HUWE1: variants seen among roughly 807,000 people sequenced by gnomAD.
HUWE1 encodes the protein E3 ubiquitin-protein ligase HUWE1.
A neutral mutation model predicts 299.4 loss-of-function variants in HUWE1; 18 were observed. That is an observed-to-expected ratio of 0.06 (90% CI 0.04 to 0.09). The LOEUF (loss-of-function observed/expected upper bound fraction) is 0.09, where lower values mean the gene tolerates loss of function less well. Ranked by LOEUF, HUWE1 falls within the 10% of genes least tolerant of loss-of-function variation. HUWE1 has a pLI of 1.00. For missense variants in HUWE1, 1,832 were observed against 3,462.3 expected, an observed-to-expected ratio of 0.53 and a Z score of 11.82; for synonymous variants, 1,317 against 1,286.1, an observed-to-expected ratio of 1.02 and a Z score of -0.51.
intron 46 of HUWE1, among the ~76,000 whole-genome samples, chrX:53,574,786 T>C (rs1451017037): frequency 8.9e-6 from 1 of 112,245 alleles, no homozygotes; most frequent in East Asian, 2.8e-4. Flanking sequence ...CAATGGGCTC[T>C]GTTAACATTG....
At chrX:53,624,924 A>C (rs945444368) in intron 18 of HUWE1, among the ~76,000 whole-genome samples, 6 of 112,200 alleles carry the variant, frequency 5.3e-5, no homozygotes, top group Middle Eastern at 4.2e-3. Flanking sequence ...AGACGGAATT[A>C]AGCACAGAGT....
chrX:53,559,465 C>T lies in HUWE1; in HGVS notation c.7804G>A (p.Gly2602Ser). Reference protein sequence around the residue: ...LSSSLPLQSRGRARLLVGNDD... With the variant: ...LSSSLPLQSRSRARLLVGNDD... ...TTGCCTACCAGGAGGCGGGCCCGACCCCGGCTTTGTAGGGGAAGGCTGCTG... is the reference window on the plus strand; with the variant it reads ...TTGCCTACCAGGAGGCGGGCCCGACTCCGGCTTTGTAGGGGAAGGCTGCTG... The change falls in exon 57 of 84, where the codon GGT (glycine) becomes AGT (serine). Residue 2602 changes from glycine (G) to serine (S), a missense_variant. This residue lies in a region of HUWE1 where 170 missense variants were observed against 335.8 expected (regional missense o/e 0.51). Transcript: ENST00000262854. The T allele has an allele frequency of 1.7e-6, 2 of 1,211,323 alleles. No individual in the cohort carries two copies. Among genetic ancestry groups the T allele is most frequent in the Non-Finnish European group, 2.2e-6 (2 of 895,333 alleles).
chrX:53,633,741 G>A (rs138293691), intron 8 of HUWE1, among the ~76,000 whole-genome samples: 1,303 of 111,932 alleles, frequency 0.012, 12 homozygotes, highest in Non-Finnish European at 0.018. Context: ...CAGAAAGGAG[G>A]ATGGCCTGAG....
intron 17 of HUWE1, chrX:53,625,612 C>A: frequency 5.4e-6 from 1 of 185,539 alleles, no homozygotes. Context: ...GTATAAAATG[C>A]TATGAAAGAC....
At chrX:53,604,119 C>T (rs1460547581) in intron 26 of HUWE1, among the ~76,000 whole-genome samples, 1 of 111,813 alleles carries the variant, frequency 8.9e-6, no homozygotes, top group East Asian at 2.8e-4. Flanking sequence ...AATCAATTAT[C>T]TGAGGAATAA....
At chrX:53,568,257 T>A (rs1266649776) in intron 49 of HUWE1, among the ~76,000 whole-genome samples, 1 of 110,723 alleles carries the variant, frequency 9.0e-6, no homozygotes, top group Non-Finnish European at 1.9e-5. Context: ...AAAACGAAAA[T>A]GCCCCAAATT....
chrX:53,613,578 T>G (rs1366606214), intron 23 of HUWE1, among the ~76,000 whole-genome samples: 3 of 111,730 alleles, frequency 2.7e-5, no homozygotes, highest in Non-Finnish European at 5.6e-5. Context: ...ATCCCTGGTA[T>G]GTGAATACTG....
intron 2 of HUWE1, chrX:53,683,862 C>A: frequency 7.3e-6 from 1 of 136,683 alleles, no homozygotes; most frequent in East Asian, 1.6e-4. Context: ...CCACCCCCCA[C>A]CCGCGAGCTA....
chrX:53,649,351 G>C (rs782542240), intron 4 of HUWE1, among the ~76,000 whole-genome samples: 4 of 111,972 alleles, frequency 3.6e-5, no homozygotes, highest in Non-Finnish European at 3.8e-5. Context: ...GAATCAGGTA[G>C]TTGGTAAGCT....
rs1268165636 is a variant in HUWE1, at chrX:53,534,212, C to G, written c.12832-15G>C. 4.2e-6 allele frequency: 5 copies of G among 1,190,135 alleles called. No individual in the cohort carries two copies. In the African/African-American group the frequency reaches 8.9e-5, roughly 21 times the overall value. On this transcript the variant is annotated splice_polypyrimidine_tract_variant and intron_variant, in intron 82 of 83. Transcript: ENST00000262854. ...AACCACTGGATCTGTAGGAAGGGAC[C>G]CATGAAGCCAGTGTTAGGTAGAAAG... is the stretch of plus-strand genomic sequence containing the variant.
Position 53,548,973 on chromosome X carries a change from T to C in HUWE1, c.10021A>G (p.Ile3341Val). Residue 3341 changes from isoleucine (I) to valine (V), a missense_variant, in exon 67 of 84, where the codon ATT (isoleucine) becomes GTT (valine). This residue lies in a region of HUWE1 where 80 missense variants were observed against 142.1 expected (regional missense o/e 0.56). Transcript: ENST00000262854. Reference sequence around the variant, plus strand: ...GAAACCCTCACCTTGGCCAATTGAATGAGTGTATCCAAAACGTGTCTGCAG... The same window carrying C: ...GAAACCCTCACCTTGGCCAATTGAACGAGTGTATCCAAAACGTGTCTGCAG... The part of the protein sequence containing the change: ...VVCRHVLDTL[I>V]QLAKVFPSHF... 1 of 1,200,581 alleles carries C rather than the reference T, an allele frequency of 8.3e-7. No individual in the cohort carries two copies. Among genetic ancestry groups the C allele is most frequent in the Non-Finnish European group, 1.1e-6 (1 of 889,431 alleles).
chrX:53,677,696 T>A (rs1412244547), intron 3 of HUWE1, among the ~76,000 whole-genome samples: 1 of 108,134 alleles, frequency 9.2e-6, no homozygotes, highest in African/African-American at 3.4e-5. Context: ...GTACCCAAAG[T>A]AATCTTCCAA....
At chrX:53,540,195 G>T (rs2061275331) in intron 74 of HUWE1, among the ~76,000 whole-genome samples, 1 of 111,957 alleles carries the variant, frequency 8.9e-6, no homozygotes, top group Non-Finnish European at 1.9e-5. Context: ...AGTTTACACA[G>T]GATGTTTTAG....
chrX:53,589,011 T>A (rs782250626), intron 36 of HUWE1, among the ~76,000 whole-genome samples: 18 of 112,847 alleles, frequency 1.6e-4, no homozygotes, highest in Non-Finnish European at 3.0e-4. Context: ...TTCCCTTTTT[T>A]AATTTCTTTC....
chrX:53,592,017 C>T (rs782697493), intron 33 of HUWE1, among the ~76,000 whole-genome samples: 1 of 111,837 alleles, frequency 8.9e-6, no homozygotes, highest in Non-Finnish European at 1.9e-5. Context: ...ATTTTATTTG[C>T]AAGTGAAAAC....
chrX:53,586,059 G>A (rs979343035), intron 39 of HUWE1, among the ~76,000 whole-genome samples: 1 of 111,928 alleles, frequency 8.9e-6, no homozygotes. Context: ...ACTTTTCCTA[G>A]ACAAAAAAAC....
At chrX:53,596,013 T>G (rs936608424) in intron 29 of HUWE1, among the ~76,000 whole-genome samples, 1 of 112,541 alleles carries the variant, frequency 8.9e-6, no homozygotes, top group African/African-American at 3.2e-5. Flanking sequence ...AAAAACTGAG[T>G]GCTTTCCAGC....
chrX:53,643,104 G>C (rs2067715403), intron 7 of HUWE1, among the ~76,000 whole-genome samples: 1 of 112,146 alleles, frequency 8.9e-6, no homozygotes, highest in East Asian at 2.8e-4. Context: ...TTATATTCTA[G>C]TGTAAGGGCC....
intron 43 of HUWE1, among the ~76,000 whole-genome samples, chrX:53,578,353 T>TG (rs1171577774): frequency 0.03 from 2,460 of 81,609 alleles, 76 homozygotes; most frequent in African/African-American, 0.098. Context: ...GGGAGGGAGG[T>TG]GGGGGGGGGT....
Sources: gnomAD v4.1 joint callset for allele counts (sites outside exome capture counted in the v4.1 genomes callset) on GRCh38, gnomAD v4.1.1 for gene constraint, gnomAD v4.1.1 regional missense constraint, MANE v1.5 for transcripts, NCBI Gene and HGNC (gene_info 2026-07-23, HGNC 2026-07-21) for gene names.